TPX2: variants seen among roughly 807,000 people sequenced by gnomAD.
TPX2 encodes TPX2 microtubule nucleation factor.
TPX2 carries 21 observed loss-of-function variants against 93.6 expected under a neutral mutation model. That is an observed-to-expected ratio of 0.22 (90% CI 0.16 to 0.32). The LOEUF is 0.32. TPX2 is among the 10% of genes least tolerant of loss of function. TPX2 has a pLI of 1.00. For missense variants in TPX2, 776 were observed against 871.1 expected (o/e 0.89, Z 1.37); for synonymous variants, 281 against 298.3 (o/e 0.94, Z 0.60).
At chr20:31,782,220 A>T in intron 10 of TPX2, 29 bp from the exon 11 acceptor site, 2 of 1,588,662 alleles carry the variant, frequency 1.3e-6, no homozygotes, top group Non-Finnish European at 1.7e-6. Flanking sequence ...TTGCGGATCT[A>T]GATGAACATC....
intron 6 of TPX2, 103 bp from the exon 7 acceptor site, chr20:31,771,457 A>G: frequency 1.4e-6 from 2 of 1,424,426 alleles, no homozygotes; most frequent in South Asian, 1.5e-5. Context: ...TTGTTATCCT[A>G]TAGAATGAGA....
Position 31,766,693 on chromosome 20 carries a change from G to A in TPX2, c.356+11G>A, listed in dbSNP as rs2061929235. On this transcript the variant is annotated intron_variant, in intron 5 of 17. Coordinates refer to ENST00000300403, the MANE Select transcript of TPX2 (RefSeq NM_012112.5). Reference sequence around the variant, plus strand: ...AGCCCAGCCTCAGAGGTAAGACTTTGGAATCTCAAAGTGGTGGTTATGATA... The same window carrying A: ...AGCCCAGCCTCAGAGGTAAGACTTTAGAATCTCAAAGTGGTGGTTATGATA... 5.0e-6 allele frequency: 8 copies of A among 1,607,342 alleles called. No homozygotes were observed. The highest frequency in any genetic ancestry group is 1.7e-4 in the Middle Eastern group (1 of 6,020).
intron 17 of TPX2, among the ~76,000 whole-genome samples, chr20:31,800,306 A>T (rs1430998267): frequency 1.3e-5 from 2 of 151,966 alleles, no homozygotes; most frequent in African/African-American, 4.8e-5. Context: ...CTCAACTTTG[A>T]TTTTTCTTTA....
At chr20:31,755,243 C>A (rs950656967) in intron 2 of TPX2, among the ~76,000 whole-genome samples, 2 of 151,324 alleles carry the variant, frequency 1.3e-5, no homozygotes, top group African/African-American at 4.9e-5. Context: ...CCACCGTGCC[C>A]GGCCGCTTTT....
At chr20:31,754,300 C>A (rs1046032295) in intron 2 of TPX2, among the ~76,000 whole-genome samples, 1 of 151,960 alleles carries the variant, frequency 6.6e-6, no homozygotes, top group Non-Finnish European at 1.5e-5. Flanking sequence ...AGGCTGTTCT[C>A]GAATTCCTGA....
intron 7 of TPX2, among the ~76,000 whole-genome samples, chr20:31,772,828 T>C (rs2061972088): frequency 6.6e-6 from 1 of 152,196 alleles, no homozygotes; most frequent in Non-Finnish European, 1.5e-5. Flanking sequence ...TCAACAACTT[T>C]ATAGGCAGAA....
At chr20:31,798,278 A>G in intron 16 of TPX2, 87 bp from the exon 17 acceptor site, 1 of 1,514,636 alleles carries the variant, frequency 6.6e-7, no homozygotes, top group Non-Finnish European at 9.1e-7. Flanking sequence ...GTTAGTGTGC[A>G]TGTCTGTGCC....
chr20:31,766,461 GT>G, intron 4 of TPX2, 94 bp from the exon 5 acceptor site: 1 of 1,013,098 alleles, frequency 9.9e-7, no homozygotes, highest in East Asian at 2.5e-5. Flanking sequence ...CAGGGTGTGT[GT>G]GTGTGTGTGT....
In TPX2 at chr20:31,757,426, A is replaced by G; in HGVS notation, c.-51A>G. The G allele has an allele frequency of 6.9e-7, 1 of 1,442,074 alleles. No homozygotes were observed. The highest frequency in any genetic ancestry group is 9.7e-7 in the Non-Finnish European group (1 of 1,031,586). 89.3% of individuals were successfully genotyped at this position (1,442,074 alleles called of 1,614,324 possible). A position where few individuals can be genotyped will look rare whatever the true frequency, so the allele number is the denominator to read the frequency against. On this transcript the variant is annotated 5_prime_UTR_variant, in exon 3 of 18. Coordinates refer to ENST00000300403, the MANE Select transcript of TPX2 (RefSeq NM_012112.5). ...CCTCAGAAGGTGACCTGCTGAGAAA[A>G]GTGGTACAAATACTGGGAAAAACCT...
intron 2 of TPX2, among the ~76,000 whole-genome samples, chr20:31,754,222 CA>C (rs1179928145): frequency 6.6e-6 from 1 of 151,974 alleles, no homozygotes; most frequent in Non-Finnish European, 1.5e-5. Flanking sequence ...GCTGGAACTA[CA>C]GGTGCAGCCA....
In TPX2 at chr20:31,766,600, G is replaced by C. The variant is rs759173065; in HGVS notation, c.274G>C (p.Glu92Gln). The part of the protein sequence containing the change: ...YKEAEKENLV[E>Q]QSIPSNACSS... ...AGAGGCAGAAAAAGAAAATCTTGTG[G>C]AACAATCCATTCCGTCAAATGCTTG... Residue 92 changes from glutamate to glutamine, a missense_variant, in exon 5 of 18, where the codon GAA becomes CAA. Physicochemically the swap from Glu to Gln is conservative, Grantham distance 29. Coordinates refer to ENST00000300403, the MANE Select transcript of TPX2 (RefSeq NM_012112.5). 2.5e-6 allele frequency: 4 copies of C among 1,613,176 alleles called. No individual in the cohort carries two copies. Among genetic ancestry groups the C allele is most frequent in the East Asian group, 2.2e-5 (1 of 44,838 alleles).
At chr20:31,794,323 G>C in intron 14 of TPX2, 79 bp from the exon 15 acceptor site, 2 of 1,527,074 alleles carry the variant, frequency 1.3e-6, no homozygotes, top group Non-Finnish European at 1.8e-6. Context: ...TTATTTTTCA[G>C]ATTCTTCCAG....
rs1293893405 is a variant in TPX2, at chr20:31,770,364, T to C, written c.378T>C (p.Ala126=). The C allele has an allele frequency of 6.3e-7, 1 of 1,597,930 alleles. No individual in the cohort carries two copies. Among genetic ancestry groups the C allele is most frequent in the Non-Finnish European group, 8.5e-7 (1 of 1,171,900 alleles). The change falls in exon 6 of 18, where the codon GCT becomes GCC. Residue 126 remains alanine (A), a synonymous_variant. Coordinates refer to ENST00000300403, the MANE Select transcript of TPX2 (RefSeq NM_012112.5). ...QPQRRSLRLS[A]QKDLEQKEKH... ...ATAGAAGATCTCTTAGGCTTTCTGCTCAGAAGGATTTGGAACAGAAAGAAA... is the reference window on the plus strand; with the variant it reads ...ATAGAAGATCTCTTAGGCTTTCTGCCCAGAAGGATTTGGAACAGAAAGAAA...
At chr20:31,766,455 G>GTA in intron 4 of TPX2, 101 bp from the exon 5 acceptor site, 1 of 179,474 alleles carries the variant, frequency 5.6e-6, no homozygotes, top group Non-Finnish European at 7.9e-6. Flanking sequence ...CTTAGACAGG[G>GTA]TGTGTGTGTG....
rs775218455 is a variant in TPX2, at chr20:31,778,817, G to A, written c.887G>A (p.Arg296Gln). The change falls in exon 10 of 18, where the codon CGA becomes CAA. Residue 296 changes from arginine to glutamine, a missense_variant. Physicochemically the swap from Arg to Gln is conservative, Grantham distance 43. This residue lies in a region of TPX2 where 461 missense variants were observed against 551.2 expected (regional missense o/e 0.84). Coordinates refer to ENST00000300403, the MANE Select transcript of TPX2 (RefSeq NM_012112.5). ...ELRKHPSSPA[R>Q]VTKGCTIVKP... ...GAACAACTTTTCTCTTTACAGGCCC[G>A]AGTGACTAAGGGATGTACCATTGTT... 8.3e-6 allele frequency: 13 copies of A among 1,567,646 alleles called. No homozygotes were observed. Among genetic ancestry groups the A allele is most frequent in the Non-Finnish European group, 1.0e-5 (12 of 1,162,248 alleles).
intron 17 of TPX2, among the ~76,000 whole-genome samples, chr20:31,799,205 A>G (rs914890644): frequency 1.3e-5 from 2 of 152,200 alleles, no homozygotes; most frequent in African/African-American, 2.4e-5. Flanking sequence ...TTAAGGACCA[A>G]TCTGCTAGGA....
intron 8 of TPX2, among the ~76,000 whole-genome samples, chr20:31,776,608 C>T (rs551443748): frequency 1.3e-5 from 2 of 151,882 alleles, no homozygotes; most frequent in Non-Finnish European, 2.9e-5. Context: ...TCAACACAAC[C>T]TCTGCCTCCC....
chr20:31,773,474 T>G (rs2061977169), intron 7 of TPX2, among the ~76,000 whole-genome samples: 1 of 151,696 alleles, frequency 6.6e-6, no homozygotes, highest in African/African-American at 2.4e-5. Flanking sequence ...GTATTTTTAG[T>G]AGAGATGGGG....
rs1181626376 is a variant in TPX2, at chr20:31,746,513, T to TA, written c.-71+3867dup. Among the ~76,000 whole-genome samples the TA allele has an allele frequency of 3.9e-5, 6 of 152,330 alleles. No homozygotes were observed. The South Asian group carries it at 1.2e-3, about 32-fold the overall frequency. ...CTATACTTCTAATGAAGTCTTGTCT[T>TA]ACTCTGTTTATTCTATTATATTACC... On this transcript the variant is annotated intron_variant, in intron 2 of 17. Transcript: ENST00000300403.
Sources: allele counts gnomAD v4.1 joint callset (sites outside exome capture counted in the v4.1 genomes callset), GRCh38; gene constraint gnomAD v4.1.1; regional missense constraint gnomAD v4.1.1; transcripts MANE v1.5; gene names NCBI Gene and HGNC (gene_info 2026-07-23, HGNC 2026-07-21).